Variants in CDK6 observed in about 807,000 individuals in gnomAD.
CDK6 encodes the protein cyclin-dependent kinase 6.
A neutral mutation model predicts 37.1 loss-of-function variants in CDK6; 6 were observed. That is an observed-to-expected ratio of 0.16 (90% confidence interval 0.09 to 0.32). The LOEUF (loss-of-function observed/expected upper bound fraction) is 0.32. Among genes scored for constraint, CDK6 ranks in the 10% least tolerant of loss-of-function variants. CDK6 has a pLI of 1.00. For synonymous variants in CDK6, 160 were observed against 161.3 expected (o/e 0.99, Z 0.06); for missense variants, 224 against 418.9 (o/e 0.53, Z 4.06).
intron 3 of CDK6, among the ~76,000 whole-genome samples, chr7:92,765,108 A>G (rs899543788): frequency 2.0e-5 from 3 of 152,224 alleles, no homozygotes; most frequent in African/African-American, 7.2e-5. Flanking sequence ...TGGGGAAGAC[A>G]GCATACAATT....
At chr7:92,789,271 T>A (rs991389042) in intron 2 of CDK6, among the ~76,000 whole-genome samples, 3 of 152,124 alleles carry the variant, frequency 2.0e-5, no homozygotes, top group African/African-American at 7.2e-5. Flanking sequence ...TGCCAATAGA[T>A]CTGCCCTACA....
chr7:92,699,772 C>T (rs1797801059), intron 4 of CDK6, among the ~76,000 whole-genome samples: 1 of 152,226 alleles, frequency 6.6e-6, no homozygotes, highest in South Asian at 2.1e-4. Flanking sequence ...AGGAGGCAGA[C>T]ATGTAACTTA....
intron 2 of CDK6, among the ~76,000 whole-genome samples, chr7:92,814,618 A>G (rs1800977646): frequency 6.6e-6 from 1 of 151,830 alleles, no homozygotes; most frequent in Non-Finnish European, 1.5e-5. Flanking sequence ...AAGTGTAATC[A>G]GACTTCCAGT....
At chr7:92,672,240 CACAT>C (rs1208871921) in intron 4 of CDK6, among the ~76,000 whole-genome samples, 10 of 143,334 alleles carry the variant, frequency 7.0e-5, no homozygotes, top group African/African-American at 2.6e-4. Context: ...CACACACACA[CACAT>C]ATATGAAGAT....
chr7:92,730,807 AC>A (rs1414422743), intron 3 of CDK6, among the ~76,000 whole-genome samples: 2 of 152,002 alleles, frequency 1.3e-5, no homozygotes, highest in African/African-American at 4.8e-5. Flanking sequence ...AGTAGTTTCC[AC>A]TTTTTGGCTG....
At chr7:92,624,153 T>C (rs1795871850) in intron 5 of CDK6, among the ~76,000 whole-genome samples, 1 of 152,146 alleles carries the variant, frequency 6.6e-6, no homozygotes, top group South Asian at 2.1e-4. Flanking sequence ...ATACTTTCTA[T>C]GAATGTTACT....
chr7:92,629,143 G>C (rs960183163), intron 5 of CDK6, among the ~76,000 whole-genome samples: 15 of 152,106 alleles, frequency 9.9e-5, no homozygotes, highest in Admixed American at 2.6e-4. Flanking sequence ...AATCTGAGAC[G>C]AAGTTCCGTC....
At chr7:92,813,966 G>A (rs1482967523) in intron 2 of CDK6, among the ~76,000 whole-genome samples, 3 of 152,132 alleles carry the variant, frequency 2.0e-5, no homozygotes, top group Non-Finnish European at 2.9e-5. Context: ...TGAGTATCCC[G>A]CAAGCTTCAA....
intron 2 of CDK6, among the ~76,000 whole-genome samples, chr7:92,812,126 G>A (rs1800900801): frequency 6.6e-6 from 1 of 152,058 alleles, no homozygotes; most frequent in Admixed American, 6.5e-5. Context: ...GCAACAGAGT[G>A]AGACTCCAAC....
At chr7:92,725,390 G>A (rs1351071722) in intron 4 of CDK6, 1 of 890,054 alleles carries the variant, frequency 1.1e-6, no homozygotes, top group Non-Finnish European at 1.3e-6. Context: ...CAGTGGCTAA[G>A]ATGCAACAGG....
At chr7:92,704,467 C>G (rs1797925061) in intron 4 of CDK6, among the ~76,000 whole-genome samples, 1 of 152,138 alleles carries the variant, frequency 6.6e-6, no homozygotes, top group Non-Finnish European at 1.5e-5. Flanking sequence ...TCTCTTTACC[C>G]CCACAGGCAA....
In CDK6 at chr7:92,833,639, A is replaced by G. The variant is rs780026022; in HGVS notation, c.-316T>C. 186 of 510,862 alleles carry G rather than the reference A, an allele frequency of 3.6e-4. No homozygotes were observed. Among genetic ancestry groups the G allele is most frequent in the South Asian group, 1.4e-3 (43 of 31,572 alleles). 31.6% of individuals were successfully genotyped at this position (510,862 alleles called of 1,614,324 possible). On this transcript the variant is annotated 5_prime_UTR_variant, in exon 2 of 8. Transcript: ENST00000424848. The surrounding 1 kb of genome is among the most constrained non-coding windows in gnomAD (Gnocchi z 6.1). ...CCTCGAAGCGAAGTCCTCAACACAG[A>G]CACGATTACATAGCCTCTGCCCAAG...
At chr7:92,818,755 C>T (rs953398227) in intron 2 of CDK6, among the ~76,000 whole-genome samples, 6 of 151,944 alleles carry the variant, frequency 3.9e-5, no homozygotes, top group African/African-American at 9.7e-5. Flanking sequence ...TTTTAAAAAA[C>T]GGTCAATTTG....
At chr7:92,725,143 A>C in intron 4 of CDK6, 1 of 985,354 alleles carries the variant, frequency 1.0e-6, no homozygotes, top group Middle Eastern at 5.2e-4. Flanking sequence ...GCATCATCCA[A>C]GTTCACTGTG....
intron 2 of CDK6, among the ~76,000 whole-genome samples, chr7:92,822,129 C>G (rs1325074078): frequency 6.6e-6 from 1 of 152,042 alleles, no homozygotes; most frequent in Non-Finnish European, 1.5e-5. Context: ...CCCAGAGAAT[C>G]TTAAACCATG....
At chr7:92,672,190 TACACAC>T (rs71107866) in intron 4 of CDK6, among the ~76,000 whole-genome samples, 657 of 62,766 alleles carry the variant, frequency 0.01, 7 homozygotes, top group East Asian at 0.044. Flanking sequence ...CACAGACACA[TACACAC>T]ACACACACAC....
At chr7:92,724,970 G>C (rs1798474925) in intron 4 of CDK6, 1 of 932,986 alleles carries the variant, frequency 1.1e-6, no homozygotes, top group Non-Finnish European at 1.3e-6. Flanking sequence ...TGGAGAAATA[G>C]AAGCTAACCA....
At chr7:92,638,358 T>A (rs1452825252) in intron 5 of CDK6, among the ~76,000 whole-genome samples, 2 of 152,190 alleles carry the variant, frequency 1.3e-5, no homozygotes, top group Non-Finnish European at 2.9e-5. Context: ...CAATCCCATG[T>A]CCCACAATTG....
intron 5 of CDK6, among the ~76,000 whole-genome samples, chr7:92,638,724 T>C (rs1796233763): frequency 6.6e-6 from 1 of 152,200 alleles, no homozygotes; most frequent in South Asian, 2.1e-4. Flanking sequence ...ATAATAAAAA[T>C]GTCCTCAAAT....
Sources: gnomAD v4.1 joint callset for allele counts (sites outside exome capture counted in the v4.1 genomes callset) on GRCh38, gnomAD v4.1.1 for gene constraint, Gnocchi (gnomAD v3.1) non-coding constraint, MANE v1.5 for transcripts, NCBI Gene and HGNC (gene_info 2026-07-23, HGNC 2026-07-21) for gene names.